The following CLCN4 variants were observed in gnomAD, a reference collection of about 807,000 sequenced individuals.
The protein encoded by CLCN4 is H(+)/Cl(-) exchange transporter 4.
CLCN4 carries 1 observed loss-of-function variant against 41.7 expected under a neutral mutation model. That is an observed-to-expected ratio of 0.02 (90% confidence interval 0.01 to 0.11). The LOEUF is 0.11. Ranked by LOEUF, CLCN4 falls within the 10% of genes least tolerant of loss-of-function variation. The pLI, the probability that CLCN4 is intolerant of heterozygous loss-of-function variation, is 1.00. For synonymous variants in CLCN4, 277 were observed against 285.8 expected (o/e 0.97, Z 0.31); for missense variants, 287 against 661.0 (o/e 0.43, Z 6.20).
chrX:10,226,126 A>G (rs1453254526), intron 12 of CLCN4, among the ~76,000 whole-genome samples: 2 of 111,624 alleles, frequency 1.8e-5, no homozygotes, highest in African/African-American at 6.5e-5. Flanking sequence ...TCTAAAATCA[A>G]TCACATAATT....
intron 2 of CLCN4, among the ~76,000 whole-genome samples, chrX:10,159,987 T>C (rs1034150873): frequency 9.0e-6 from 1 of 110,902 alleles, no homozygotes; most frequent in Non-Finnish European, 1.9e-5. Flanking sequence ...ACCTTGGCAC[T>C]ACTGGCATTT....
Position 10,208,037 on chromosome X carries a change from C to T in CLCN4, c.844-8C>T. 3.4e-6 allele frequency: 4 copies of T among 1,190,616 alleles called. No homozygotes were observed. The highest frequency in any genetic ancestry group is 4.5e-6 in the Non-Finnish European group (4 of 882,214). ...GCCAGTCTTTAATTTTCCACTTTTT[C>T]ATCTCAGGTCAGTTACTACTTTCCC... On this transcript the variant is annotated splice_region_variant and splice_polypyrimidine_tract_variant and intron_variant, in intron 8 of 12. Transcript: ENST00000380833.
At chrX:10,178,342 T>C (rs7066670) in intron 2 of CLCN4, among the ~76,000 whole-genome samples, 2,218 of 111,475 alleles carry the variant, frequency 0.02, 43 homozygotes, top group African/African-American at 0.054. Flanking sequence ...CCTGTGTGTA[T>C]CTGTACAAGT....
chrX:10,234,312 G>A lies in CLCN4; in HGVS notation c.*728G>A, dbSNP rs1241391046. 4 of 112,348 alleles carry A rather than the reference G, an allele frequency of 3.6e-5. No individual in the cohort carries two copies. The highest frequency in any genetic ancestry group is 2.8e-4 in the East Asian group (1 of 3,562). 9.3% of individuals were successfully genotyped at this position (112,348 alleles called of 1,213,427 possible). ...GAACTATTGGAGCATACAGTACTGC[G>A]GTGTGTCTCCTCCCATACAAAGGGA... is the stretch of plus-strand genomic sequence containing the variant. On this transcript the variant is annotated 3_prime_UTR_variant, in exon 13 of 13. Transcript: ENST00000380833.
At chrX:10,221,155 G>A (rs1488857565) in intron 12 of CLCN4, among the ~76,000 whole-genome samples, 1 of 111,060 alleles carries the variant, frequency 9.0e-6, no homozygotes, top group African/African-American at 3.3e-5. Flanking sequence ...AGAAGGGCTT[G>A]GTGTTGCTTT....
intron 11 of CLCN4, among the ~76,000 whole-genome samples, chrX:10,217,465 T>G (rs1430847560): frequency 8.9e-5 from 10 of 111,850 alleles, no homozygotes; most frequent in African/African-American, 3.3e-4. Context: ...TCTCCTATTG[T>G]GATAACCAAA....
chrX:10,218,430 C>T (rs1343660422), intron 11 of CLCN4, among the ~76,000 whole-genome samples: 1 of 111,958 alleles, frequency 8.9e-6, no homozygotes, highest in East Asian at 2.8e-4. Context: ...ACTGGCTCAT[C>T]CCCTGGGTGA....
chrX:10,162,239 G>A (rs1923129185), intron 2 of CLCN4, among the ~76,000 whole-genome samples: 1 of 110,611 alleles, frequency 9.0e-6, no homozygotes, highest in African/African-American at 3.3e-5. Context: ...GGCTGGTCTC[G>A]AACTCCTGAC....
intron 12 of CLCN4, among the ~76,000 whole-genome samples, chrX:10,231,499 T>C (rs1415886951): frequency 2.7e-5 from 3 of 111,776 alleles, no homozygotes; most frequent in Non-Finnish European, 5.6e-5. Context: ...GCCTTGTTGT[T>C]GTTTTTTTAA....
Position 10,234,588 on chromosome X carries a change from G to A in CLCN4, c.*1004G>A, listed in dbSNP as rs1016756558. On this transcript the variant is annotated 3_prime_UTR_variant, in exon 13 of 13. Coordinates refer to ENST00000380833, the MANE Select transcript of CLCN4 (RefSeq NM_001830.4). ...CTCAGGTCTTATCAGATACGGCTGTGGAGAGGATGAGGCATATGCGTTGTC... is the reference window on the plus strand; with the variant it reads ...CTCAGGTCTTATCAGATACGGCTGTAGAGAGGATGAGGCATATGCGTTGTC... The A allele has an allele frequency of 1.8e-5, 2 of 112,564 alleles. No homozygotes were observed. The highest frequency in any genetic ancestry group is 6.5e-5 in the African/African-American group (2 of 30,905). 9.3% of individuals were successfully genotyped at this position (112,564 alleles called of 1,213,427 possible). A position where few individuals can be genotyped will look rare whatever the true frequency, so the allele number is the denominator to read the frequency against.
intron 11 of CLCN4, among the ~76,000 whole-genome samples, chrX:10,217,820 C>G (rs1924766159): frequency 9.1e-6 from 1 of 109,544 alleles, no homozygotes; most frequent in South Asian, 4.1e-4. Context: ...TCGGCTCACC[C>G]CAGCCTCCAC....
chrX:10,233,663 T>C lies in CLCN4; in HGVS notation c.*79T>C. The C allele has an allele frequency of 1.2e-6, 1 of 815,865 alleles. No individual in the cohort carries two copies. Among genetic ancestry groups the C allele is most frequent in the Non-Finnish European group, 1.8e-6 (1 of 547,883 alleles). The allele number at this position is 815,865 out of a possible 1,213,427, so 67.2% of individuals were successfully genotyped here. A position where few individuals can be genotyped will look rare whatever the true frequency, so the allele number is the denominator to read the frequency against. On this transcript the variant is annotated 3_prime_UTR_variant, in exon 13 of 13. Coordinates refer to ENST00000380833, the MANE Select transcript of CLCN4 (RefSeq NM_001830.4). ...AATAAATGATATGTTATTATCCCAA[T>C]GAAAGATCATGCATTGGGGACAGCA...
chrX:10,214,056 G>C lies in CLCN4; in HGVS notation c.1952G>C (p.Arg651Thr). ...GAGCGCCTCATTGGATTTGCCCAGA[G>C]GAGGGAACTGATTCTCGCAATAAGT... The part of the protein sequence containing the change: ...DSERLIGFAQ[R>T]RELILAIKNA... Residue 651 changes from arginine to threonine, a missense_variant, in exon 11 of 13, where the codon AGG (arginine) becomes ACG (threonine). Physicochemically the swap from Arg to Thr is moderately conservative, Grantham distance 71. This residue lies in a region of CLCN4 where 71 missense variants were observed against 104.5 expected (regional missense o/e 0.68). Transcript: ENST00000380833. The C allele has an allele frequency of 1.1e-5, 13 of 1,176,951 alleles. No homozygotes were observed. Among genetic ancestry groups the C allele is most frequent in the Non-Finnish European group, 1.5e-5 (13 of 879,040 alleles).
chrX:10,187,728 CT>C, intron 4 of CLCN4, 114 bp downstream of exon 4: 1 of 559,075 alleles, frequency 1.8e-6, no homozygotes, highest in Non-Finnish European at 3.0e-6. Flanking sequence ...GCTTTTACCC[CT>C]GTGGGAGGGA....
At chrX:10,223,683 A>T (rs1924914195) in intron 12 of CLCN4, among the ~76,000 whole-genome samples, 1 of 111,662 alleles carries the variant, frequency 9.0e-6, no homozygotes, top group African/African-American at 3.3e-5. Context: ...GGCATCATAA[A>T]ACTGGACCAG....
At chrX:10,228,880 T>G (rs1925054455) in intron 12 of CLCN4, among the ~76,000 whole-genome samples, 1 of 111,516 alleles carries the variant, frequency 9.0e-6, no homozygotes, top group Admixed American at 9.5e-5. Flanking sequence ...AACCAGGGGC[T>G]ATCTTGTCCC....
At chrX:10,211,127 G>A (rs746263205) in intron 9 of CLCN4, among the ~76,000 whole-genome samples, 149 of 106,428 alleles carry the variant, frequency 1.4e-3, no homozygotes, top group African/African-American at 4.6e-3. Context: ...TTAGCTGGGC[G>A]TGGTGACACA....
chrX:10,237,660 A>G lies in CLCN4; in HGVS notation c.*4076A>G, dbSNP rs924702397. ...CACAGAGTCTGCAACAAACATGTAA[A>G]TGGAAGAGATACTGATTTCACAGTG... is the stretch of plus-strand genomic sequence containing the variant. On this transcript the variant is annotated 3_prime_UTR_variant, in exon 13 of 13. Coordinates refer to ENST00000380833, the MANE Select transcript of CLCN4 (RefSeq NM_001830.4). 1.8e-5 allele frequency: 2 copies of G among 112,190 alleles called. No individual in the cohort carries two copies. Among genetic ancestry groups the G allele is most frequent in the African/African-American group, 6.5e-5 (2 of 30,830 alleles). 9.2% of individuals were successfully genotyped at this position (112,190 alleles called of 1,213,427 possible).
intron 5 of CLCN4, among the ~76,000 whole-genome samples, chrX:10,195,947 G>A: frequency 8.9e-6 from 1 of 112,425 alleles, no homozygotes; most frequent in South Asian, 3.6e-4. Context: ...TTCTGTACAG[G>A]TTTTTGTGAA....
Sources: gnomAD v4.1 joint callset for allele counts (sites outside exome capture counted in the v4.1 genomes callset) on GRCh38, gnomAD v4.1.1 for gene constraint, gnomAD v4.1.1 regional missense constraint, MANE v1.5 for transcripts, NCBI Gene and HGNC (gene_info 2026-07-23, HGNC 2026-07-21) for gene names.